The following SSRP1 variants were observed in gnomAD, a reference collection of about 807,000 sequenced individuals.
SSRP1 encodes the protein structure specific recognition protein 1, also known as FACT complex subunit SSRP1.
In SSRP1, 21 loss-of-function variants were observed where a neutral mutation model predicts 84.4. The ratio of observed to expected loss-of-function variants is 0.25; its 90% CI spans 0.18 to 0.36. The LOEUF is 0.36. Ranked by LOEUF, SSRP1 falls within the 10% of genes least tolerant of loss-of-function variation. The pLI is 1.00. For missense variants in SSRP1, 519 were observed against 900.8 expected (o/e 0.58, Z 5.43); for synonymous variants, 319 against 318.3 (o/e 1.00, Z -0.02).
intron 3 of SSRP1, 44 bp from the exon 4 acceptor site, chr11:57,333,584 G>C: frequency 7.0e-7 from 1 of 1,419,118 alleles, no homozygotes; most frequent in Non-Finnish European, 1.0e-6. Context: ...AAACCTTGGT[G>C]GCCTTAACAC....
Position 57,335,218 on chromosome 11 carries a change from C to A in SSRP1, c.-97G>T, listed in dbSNP as rs2134395098. On this transcript the variant is annotated 5_prime_UTR_variant, in exon 2 of 17. Transcript: ENST00000278412. The surrounding 1 kb of genome is among the most constrained non-coding windows in gnomAD (Gnocchi z 4.6). ...GGGCCCCAACTCCTGAGTGGGTGTG[C>A]GGATGCTCAGCAGGTTGGGAATCTG... 8.0e-7 allele frequency: 1 copy of A among 1,252,874 alleles called. No individual in the cohort carries two copies. Among genetic ancestry groups the A allele is most frequent in the Non-Finnish European group, 1.2e-6 (1 of 855,704 alleles). The allele number at this position is 1,252,874 out of a possible 1,614,324, so 77.6% of individuals were successfully genotyped here.
Position 57,326,830 on chromosome 11 carries a change from G to A in SSRP1, c.1931C>T (p.Ser644Phe), listed in dbSNP as rs751423235. ...GGACGACTTGGATGATGAGCCCCTA[G>A]AGGGCGTGGATTTCTTTTCCATCTT... Reference protein sequence around the residue: ...KVKMEKKSTPSRGSSSKSSSR... With the variant: ...KVKMEKKSTPFRGSSSKSSSR... The change falls in exon 16 of 17, where the codon TCT becomes TTT. Residue 644 changes from serine (S) to phenylalanine (F), a missense_variant. Physicochemically the swap from Ser to Phe is radical, Grantham distance 155. Transcript: ENST00000278412. 6.2e-7 allele frequency: 1 copy of A among 1,614,158 alleles called. No individual in the cohort carries two copies. The highest frequency in any genetic ancestry group is 8.5e-7 in the Non-Finnish European group (1 of 1,180,016).
chr11:57,329,459 GGT>G (rs1433252741), intron 12 of SSRP1: 2 of 155,880 alleles, frequency 1.3e-5, no homozygotes, highest in Admixed American at 1.2e-4. Context: ...AGGCACTTCT[GGT>G]GTTGTTTTAA....
intron 16 of SSRP1, 93 bp downstream of exon 16, chr11:57,326,610 C>T: frequency 1.9e-6 from 3 of 1,576,452 alleles, no homozygotes; most frequent in Non-Finnish European, 2.6e-6. Flanking sequence ...ATTCCACCAT[C>T]CACTCCAACT....
rs1488967601 is a variant in SSRP1, at chr11:57,335,360, C to G, written c.-119-120G>C. ...TCTCAGGATTTCCTCTGCCTGGAAA[C>G]CTACAGACGGACGCTGCAGTGCCCG... is the stretch of plus-strand genomic sequence containing the variant. On this transcript the variant is annotated intron_variant, in intron 1 of 16. Transcript: ENST00000278412. This position sits in a 1 kb window ranked among gnomAD's most constrained non-coding sequence, Gnocchi z 4.6. 1.2e-5 allele frequency: 6 copies of G among 497,548 alleles called. No individual in the cohort carries two copies. Among genetic ancestry groups the G allele is most frequent in the Non-Finnish European group, 2.2e-5 (6 of 270,000 alleles). 30.8% of individuals were successfully genotyped at this position (497,548 alleles called of 1,614,324 possible).
Position 57,332,970 on chromosome 11 carries a change from C to G in SSRP1, c.526G>C (p.Asp176His), listed in dbSNP as rs967899383. 1.9e-6 allele frequency: 3 copies of G among 1,611,918 alleles called. No homozygotes were observed. The highest frequency in any genetic ancestry group is 2.5e-6 in the Non-Finnish European group (3 of 1,178,736). Reference protein sequence around the residue: ...YVPPTQEDGVDPVEAFAQNVL... With the variant: ...YVPPTQEDGVHPVEAFAQNVL... ...AGGGGAAGCCTCACCTCAACAGGGT[C>G]CACACCATCCTCCTGGGTGGGTGGG... Residue 176 changes from aspartate (D) to histidine (H), a missense_variant, in exon 5 of 17, where the codon GAC becomes CAC. Asp to His is a moderately conservative substitution (Grantham distance 81, BLOSUM62 -1). Coordinates refer to ENST00000278412, the MANE Select transcript of SSRP1 (RefSeq NM_003146.3). The surrounding 1 kb of genome is among the most constrained non-coding windows in gnomAD (Gnocchi z 5.5).
chr11:57,335,838 C>A lies in SSRP1; in HGVS notation c.-228G>T. ...TGGGGGGACACCGGGGAAGCTTTTCCCGCGTGCGCGGCCCCGCGTCCCGCC... is the reference window on the plus strand; with the variant it reads ...TGGGGGGACACCGGGGAAGCTTTTCACGCGTGCGCGGCCCCGCGTCCCGCC... On this transcript the variant is annotated 5_prime_UTR_variant, in exon 1 of 17. Coordinates refer to ENST00000278412, the MANE Select transcript of SSRP1 (RefSeq NM_003146.3). The surrounding 1 kb of genome is among the most constrained non-coding windows in gnomAD (Gnocchi z 4.6). The A allele has an allele frequency of 6.6e-6, 1 of 152,278 alleles. No individual in the cohort carries two copies. Among genetic ancestry groups the A allele is most frequent in the East Asian group, 1.9e-4 (1 of 5,172 alleles). 9.4% of individuals were successfully genotyped at this position (152,278 alleles called of 1,614,324 possible).
rs1241295841 is a variant in SSRP1 at position 57,330,505 on chromosome 11, C to T, written c.1297-76G>A. On this transcript the variant is annotated intron_variant, in intron 10 of 16. Coordinates refer to ENST00000278412, the MANE Select transcript of SSRP1 (RefSeq NM_003146.3). This position sits in a 1 kb window ranked among gnomAD's most constrained non-coding sequence, Gnocchi z 4.0. ...CCCTGCACACTCAAAAGCACACCCCCATGCCTGTCAAGTCAGAGCAGCAGC... is the reference window on the plus strand; with the variant it reads ...CCCTGCACACTCAAAAGCACACCCCTATGCCTGTCAAGTCAGAGCAGCAGC... The T allele has an allele frequency of 6.3e-7, 1 of 1,581,584 alleles. No individual in the cohort carries two copies. The highest frequency in any genetic ancestry group is 1.7e-5 in the Admixed American group (1 of 57,684).
intron 13 of SSRP1, 78 bp from the exon 14 acceptor site, chr11:57,327,960 T>A: frequency 6.5e-7 from 1 of 1,532,230 alleles, no homozygotes; most frequent in Non-Finnish European, 8.8e-7. Context: ...TTAGATCACT[T>A]AACTTGGAGA....
intron 3 of SSRP1, among the ~76,000 whole-genome samples, chr11:57,333,941 G>A (rs952651015): frequency 2.0e-5 from 3 of 152,216 alleles, no homozygotes; most frequent in Non-Finnish European, 4.4e-5. Context: ...CCTTGAGTCT[G>A]AGAGCTCAAG....
chr11:57,332,249 G>A lies in SSRP1; in HGVS notation c.904C>T (p.Leu302Phe). The change falls in exon 8 of 17, where the codon CTC becomes TTC. Residue 302 changes from leucine to phenylalanine, a missense_variant. Leu to Phe is a conservative substitution (Grantham distance 22). Transcript: ENST00000278412. The surrounding 1 kb of genome is among the most constrained non-coding windows in gnomAD (Gnocchi z 5.5). ...EEVEKRFEGRLTKNMSGSLYE... is the reference protein window; with the variant it reads ...EEVEKRFEGRFTKNMSGSLYE... ...AGGGATCCTGACATGTTCTTGGTGA[G>A]CCGACCCTCAAAGCGCTTCTCCACT... 1 of 1,614,042 alleles carries A rather than the reference G, an allele frequency of 6.2e-7. No homozygotes were observed. The highest frequency in any genetic ancestry group is 2.2e-5 in the East Asian group (1 of 44,866).
chr11:57,331,937 C>A (rs773208057), intron 8 of SSRP1, 48 bp from the exon 9 acceptor site: 2 of 1,560,112 alleles, frequency 1.3e-6, no homozygotes, highest in Non-Finnish European at 1.7e-6. Context: ...TCAGCAGAGG[C>A]AAAGGGCGTA....
chr11:57,326,611 C>T (rs1855986484), intron 16 of SSRP1, 92 bp downstream of exon 16: 1 of 1,582,164 alleles, frequency 6.3e-7, no homozygotes, highest in East Asian at 2.3e-5. Context: ...TTCCACCATC[C>T]ACTCCAACTC....
At position 57,335,022 on chromosome 11, in the gene SSRP1, C is replaced by G; in HGVS notation, c.54+46G>C. 1 of 1,607,122 alleles carries G rather than the reference C, an allele frequency of 6.2e-7. No homozygotes were observed. The highest frequency in any genetic ancestry group is 1.1e-5 in the South Asian group (1 of 90,818). ...CTCATTAATGGACAAAAACTCTACC[C>G]TCCTTCCTTCTCTCTACTTGTATCA... On this transcript the variant is annotated intron_variant, in intron 2 of 16. Transcript: ENST00000278412. This position sits in a 1 kb window ranked among gnomAD's most constrained non-coding sequence, Gnocchi z 4.6.
chr11:57,334,670 A>G, intron 2 of SSRP1, 22 bp from the exon 3 acceptor site: 1 of 1,613,012 alleles, frequency 6.2e-7, no homozygotes, highest in Non-Finnish European at 8.5e-7. Flanking sequence ...GCAGGCCCAG[A>G]TGCATGGAGA....
At chr11:57,333,293 A>G in intron 4 of SSRP1, 142 bp downstream of exon 4, 1 of 1,119,662 alleles carries the variant, frequency 8.9e-7, no homozygotes, top group Non-Finnish European at 1.3e-6. Context: ...AGTATACTGT[A>G]GGTACTCAAT....
chr11:57,330,056 C>T lies in SSRP1; in HGVS notation c.1481+37G>A, dbSNP rs1413144833. 2 of 1,612,998 alleles carry T rather than the reference C, an allele frequency of 1.2e-6. No homozygotes were observed. Among genetic ancestry groups the T allele is most frequent in the Non-Finnish European group, 1.7e-6 (2 of 1,179,078 alleles). On this transcript the variant is annotated intron_variant, in intron 12 of 16. Coordinates refer to ENST00000278412, the MANE Select transcript of SSRP1 (RefSeq NM_003146.3). The surrounding 1 kb of genome is among the most constrained non-coding windows in gnomAD (Gnocchi z 4.0). ...CTTCTGGTCCCTTAAGCTTATGGGT[C>T]ACCATCTTATCCCCACAAGGTACCA...
In SSRP1 at chr11:57,326,134, T is replaced by A. The variant is rs1027176803; in HGVS notation, c.*273A>T. 1.9e-6 allele frequency: 1 copy of A among 526,984 alleles called. No homozygotes were observed. The highest frequency in any genetic ancestry group is 3.4e-6 in the Non-Finnish European group (1 of 294,420). The allele number at this position is 526,984 out of a possible 1,614,324, so 32.6% of individuals were successfully genotyped here. Reference sequence around the variant, plus strand: ...TTGAACAGGACAAGCAGCAGCTACATCCTTAAGGTCGGGAAAGTAAGATGA... The same window carrying A: ...TTGAACAGGACAAGCAGCAGCTACAACCTTAAGGTCGGGAAAGTAAGATGA... On this transcript the variant is annotated 3_prime_UTR_variant, in exon 17 of 17. Coordinates refer to ENST00000278412, the MANE Select transcript of SSRP1 (RefSeq NM_003146.3).
intron 3 of SSRP1, among the ~76,000 whole-genome samples, chr11:57,334,148 G>A (rs190966365): frequency 1.3e-5 from 2 of 152,214 alleles, no homozygotes; most frequent in Admixed American, 6.5e-5. Context: ...GCAAGGCCCT[G>A]TCCCCAAAAA....
Sources: allele counts gnomAD v4.1 joint callset (sites outside exome capture counted in the v4.1 genomes callset), GRCh38; gene constraint gnomAD v4.1.1; non-coding constraint Gnocchi (gnomAD v3.1); transcripts MANE v1.5; gene names NCBI Gene and HGNC (gene_info 2026-07-23, HGNC 2026-07-21).